The following ANKRD30B variants were observed in gnomAD, a reference collection of about 807,000 sequenced individuals.
The protein encoded by ANKRD30B is ankyrin repeat domain-containing protein 30B.
A neutral mutation model predicts 202.2 loss-of-function variants in ANKRD30B; 144 were observed. The observed-to-expected ratio is 0.71, with a 90% CI of 0.62 to 0.82. The LOEUF is 0.82. Ranked by LOEUF, ANKRD30B falls within the 40% of genes least tolerant of loss-of-function variation. The pLI is 0.00. For synonymous variants in ANKRD30B, 508 were observed against 561.3 expected, an observed-to-expected ratio of 0.91 and a Z score of 1.34; for missense variants, 1,487 against 1,669.1, an observed-to-expected ratio of 0.89 and a Z score of 1.90.
intron 12 of ANKRD30B, among the ~76,000 whole-genome samples, chr18:14,784,108 C>T (rs1314585171): frequency 2.0e-5 from 3 of 152,114 alleles, no homozygotes; most frequent in Non-Finnish European, 4.4e-5. Context: ...AACACAATCT[C>T]GCTTTTGAGG....
chr18:14,854,832 AACACACACACACAC>A (rs56259305), downstream of ANKRD30B, among the ~76,000 whole-genome samples: 160 of 134,184 alleles, frequency 1.2e-3, no homozygotes, highest in African/African-American at 2.4e-3. Context: ...ACTATCCACG[AACACACACACACAC>A]ACACACACAC....
rs544090303 is a variant in ANKRD30B, at chr18:14,797,943, C to T, written c.2029+89C>T. 1.1e-4 allele frequency: 137 copies of T among 1,220,026 alleles called. 1 individual carries two copies. In the South Asian group the frequency reaches 2.0e-3, roughly 18 times the overall value. The allele number at this position is 1,220,026 out of a possible 1,614,324, so 75.6% of individuals were successfully genotyped here. ...AGCCTTTTATTCCCAATGTTGTTTT[C>T]TTTTGAAAATTTGATGGGAAAATTT... On this transcript the variant is annotated intron_variant, in intron 20 of 43. Transcript: ENST00000690538.
At chr18:14,875,885 G>A in the ANKRD30B span, among the ~76,000 whole-genome samples, 3 of 152,078 alleles carry the variant, frequency 2.0e-5, no homozygotes, top group South Asian at 4.1e-4. Flanking sequence ...GGCAATGGGC[G>A]CTAAGAATTC....
intron 3 of ANKRD30B, among the ~76,000 whole-genome samples, chr18:14,754,094 A>G (rs1004091730): frequency 1.6e-4 from 24 of 152,140 alleles, no homozygotes; most frequent in Admixed American, 1.0e-3. Context: ...AATAGGAGAA[A>G]CCTCATGGAC....
Position 14,753,012 on chromosome 18 carries a change from G to C in ANKRD30B, c.510G>C (p.Lys170Asn). 6.3e-7 allele frequency: 1 copy of C among 1,581,164 alleles called. No individual in the cohort carries two copies. Among genetic ancestry groups the C allele is most frequent in the Non-Finnish European group, 8.6e-7 (1 of 1,163,144 alleles). Residue 170 changes from lysine to asparagine, a missense_variant and splice_region_variant, in exon 3 of 44, where the codon AAG becomes AAC. By Grantham distance (94) the Lys-to-Asn change is moderately conservative (BLOSUM62 0). Transcript: ENST00000690538. The part of the protein sequence containing the change: ...SYGAVIEVQN[K>N]ASLTPLLLAI... ...GTGCAGTCATCGAGGTGCAAAACAAGGTAGACATTAACCAATGTTATTTTC... is the reference window on the plus strand; with the variant it reads ...GTGCAGTCATCGAGGTGCAAAACAACGTAGACATTAACCAATGTTATTTTC...
At chr18:14,799,398 G>T (rs1969164797) in intron 22 of ANKRD30B, 103 bp downstream of exon 22, 2 of 1,160,474 alleles carry the variant, frequency 1.7e-6, no homozygotes, top group South Asian at 3.7e-5. Flanking sequence ...TTCAAAATTG[G>T]ATGGGAAAAT....
chr18:14,897,485 C>T, the ANKRD30B span, among the ~76,000 whole-genome samples: 1 of 152,008 alleles, frequency 6.6e-6, no homozygotes, highest in East Asian at 1.9e-4. Context: ...CCGCCCCTAG[C>T]TGTAAATTTT....
the ANKRD30B span, chr18:14,909,957 C>T: frequency 6.6e-6 from 1 of 151,832 alleles, no homozygotes; most frequent in East Asian, 1.9e-4. Context: ...GAAGATGCGC[C>T]CCTGCCATGG....
chr18:14,885,928 A>G, the ANKRD30B span, among the ~76,000 whole-genome samples: 1 of 151,994 alleles, frequency 6.6e-6, no homozygotes, highest in South Asian at 2.1e-4. Flanking sequence ...ATTTAATTTT[A>G]TCTTTCAAAG....
intron 16 of ANKRD30B, among the ~76,000 whole-genome samples, chr18:14,795,512 A>G (rs1968815418): frequency 6.6e-6 from 1 of 152,156 alleles, no homozygotes; most frequent in South Asian, 2.1e-4. Flanking sequence ...TAGTTTGTGG[A>G]TGGGTGTGCT....
At chr18:14,753,723 T>C (rs1038129830) in intron 3 of ANKRD30B, among the ~76,000 whole-genome samples, 19 of 152,170 alleles carry the variant, frequency 1.2e-4, no homozygotes, top group Non-Finnish European at 1.8e-4. Context: ...TAATAATCTT[T>C]TATTAGAATG....
the ANKRD30B span, among the ~76,000 whole-genome samples, chr18:14,929,235 A>G: frequency 1.3e-5 from 2 of 152,158 alleles, no homozygotes; most frequent in Non-Finnish European, 2.9e-5. Flanking sequence ...TGAAATGCCA[A>G]ACTTCATTCT....
chr18:14,918,468 G>T, the ANKRD30B span, among the ~76,000 whole-genome samples: 91 of 152,208 alleles, frequency 6.0e-4, no homozygotes, highest in Non-Finnish European at 1.1e-3. Flanking sequence ...AGAAGAATAG[G>T]CATAAGAGTG....
intron 36 of ANKRD30B, among the ~76,000 whole-genome samples, 174 bp downstream of exon 36, chr18:14,837,850 C>T (rs1279976985): frequency 6.6e-6 from 1 of 152,052 alleles, no homozygotes; most frequent in Non-Finnish European, 1.5e-5. Context: ...CTCGTCTCTA[C>T]TAAAAATACA....
chr18:14,941,014 A>T, the ANKRD30B span, among the ~76,000 whole-genome samples: 1 of 152,152 alleles, frequency 6.6e-6, no homozygotes, highest in South Asian at 2.1e-4. Context: ...GGGACTCTGT[A>T]TGTGCTCCCA....
downstream of ANKRD30B, among the ~76,000 whole-genome samples, chr18:14,858,812 C>T (rs1288104019): frequency 9.0e-6 from 1 of 111,256 alleles, no homozygotes; most frequent in African/African-American, 3.6e-5. Flanking sequence ...GGCAGCCAGG[C>T]AGAGGTGCTC....
chr18:14,889,572 G>T, the ANKRD30B span, among the ~76,000 whole-genome samples: 1 of 151,634 alleles, frequency 6.6e-6, no homozygotes, highest in African/African-American at 2.4e-5. Context: ...CCATGATTGT[G>T]AGATTGATGT....
the ANKRD30B span, among the ~76,000 whole-genome samples, chr18:14,898,105 G>C: frequency 3.3e-5 from 5 of 152,024 alleles, no homozygotes; most frequent in Non-Finnish European, 5.9e-5. Flanking sequence ...TAGATCTTTT[G>C]TGATAATTTA....
At chr18:14,751,731 G>A (rs1250152636) in intron 1 of ANKRD30B, among the ~76,000 whole-genome samples, 1 of 152,084 alleles carries the variant, frequency 6.6e-6, no homozygotes, top group Non-Finnish European at 1.5e-5. Flanking sequence ...TTAAAATCTT[G>A]AGGAAGTAGT....
Sources: gnomAD v4.1 joint callset for allele counts (sites outside exome capture counted in the v4.1 genomes callset) on GRCh38, gnomAD v4.1.1 for gene constraint, MANE v1.5 for transcripts, NCBI Gene and HGNC (gene_info 2026-07-23, HGNC 2026-07-21) for gene names.